KCNH5: variants seen among roughly 807,000 people sequenced by gnomAD.
The protein encoded by KCNH5 is potassium voltage-gated channel subfamily H member 5.
Under a neutral mutation model 96.1 loss-of-function variants are expected in KCNH5, and 46 were observed. That is an observed-to-expected ratio of 0.48 (90% CI 0.38 to 0.61). The LOEUF is 0.61. Ranked by LOEUF, KCNH5 falls within the 20% of genes least tolerant of loss-of-function variation. The probability of loss-of-function intolerance (pLI) is 0.00; values close to 1 mark genes in which losing one functional copy is unlikely to be tolerated. For synonymous variants in KCNH5, 439 were observed against 449.8 expected (o/e 0.98, Z 0.30); for missense variants, 907 against 1,225.8 (o/e 0.74, Z 3.88).
chr14:63,010,454 T>A (rs1014422651), intron 2 of KCNH5, among the ~76,000 whole-genome samples: 1 of 152,132 alleles, frequency 6.6e-6, no homozygotes, highest in Non-Finnish European at 1.5e-5. Flanking sequence ...TGTGTCACTG[T>A]GTCTTAAAGG....
intron 10 of KCNH5, among the ~76,000 whole-genome samples, chr14:62,736,166 TCTC>T (rs747589737): frequency 1.3e-5 from 2 of 152,134 alleles, no homozygotes; most frequent in African/African-American, 2.4e-5. Context: ...ACTGGTCTCT[TCTC>T]CTATTCTACA....
intron 6 of KCNH5, among the ~76,000 whole-genome samples, chr14:62,962,482 G>A (rs879506938): frequency 6.6e-6 from 1 of 152,106 alleles, no homozygotes; most frequent in Non-Finnish European, 1.5e-5. Context: ...GCTTCCTGGG[G>A]ATCAATGGAG....
chr14:62,775,323 G>A (rs1886072902), intron 10 of KCNH5, among the ~76,000 whole-genome samples: 1 of 152,190 alleles, frequency 6.6e-6, no homozygotes, highest in Admixed American at 6.5e-5. Context: ...ATTCCATTTA[G>A]ATCATGAGCT....
intron 10 of KCNH5, among the ~76,000 whole-genome samples, chr14:62,715,212 A>G (rs1767008124): frequency 2.6e-5 from 4 of 152,226 alleles, no homozygotes. Context: ...AAGGCAAGAA[A>G]AAAAAGGTTA....
chr14:63,045,289 C>T lies in KCNH5; in HGVS notation c.-103G>A, dbSNP rs1239280222. ...GGAAAAGGTGGAAGAGAAGATTGAGCCGAAAGAAGAGGGGGCGCGGCGGCG... is the reference window on the plus strand; with the variant it reads ...GGAAAAGGTGGAAGAGAAGATTGAGTCGAAAGAAGAGGGGGCGCGGCGGCG... On this transcript the variant is annotated 5_prime_UTR_variant, in exon 1 of 11. Transcript: ENST00000322893. The T allele has an allele frequency of 5.2e-6, 5 of 961,214 alleles. No homozygotes were observed. Among genetic ancestry groups the T allele is most frequent in the South Asian group, 1.3e-5 (1 of 74,212 alleles). 59.5% of individuals were successfully genotyped at this position (961,214 alleles called of 1,614,324 possible). A position where few individuals can be genotyped will look rare whatever the true frequency, so the allele number is the denominator to read the frequency against.
At chr14:62,970,044 T>TAAAAAAAA (rs373852520) in intron 6 of KCNH5, among the ~76,000 whole-genome samples, 1,793 of 30,306 alleles carry the variant, frequency 0.059, 136 homozygotes, top group Non-Finnish European at 0.096. Flanking sequence ...AGACTCCGTC[T>TAAAAAAAA]AAAAAAAAAA....
intron 7 of KCNH5, among the ~76,000 whole-genome samples, chr14:62,876,165 TA>T (rs1297908153): frequency 6.6e-6 from 1 of 152,096 alleles, no homozygotes. Flanking sequence ...AGACTCTGTC[TA>T]AAAAAACAAA....
chr14:62,795,553 C>T lies in KCNH5; in HGVS notation c.1822+6776G>A, dbSNP rs540764302. Among the ~76,000 whole-genome samples the T allele has an allele frequency of 1.1e-4, 17 of 152,166 alleles. No homozygotes were observed. The South Asian group carries it at 2.5e-3, about 22-fold the overall frequency. ...GCATAGGTTGTATGCAAATACTACACCATTTTACGTAAGGGACTTCAGCAT... is the reference window on the plus strand; with the variant it reads ...GCATAGGTTGTATGCAAATACTACATCATTTTACGTAAGGGACTTCAGCAT... On this transcript the variant is annotated intron_variant, in intron 9 of 10. Coordinates refer to ENST00000322893, the MANE Select transcript of KCNH5 (RefSeq NM_139318.5).
At chr14:62,978,562 G>A (rs1209917377) in intron 6 of KCNH5, among the ~76,000 whole-genome samples, 7 of 149,440 alleles carry the variant, frequency 4.7e-5, no homozygotes, top group Non-Finnish European at 8.9e-5. Context: ...ACTCCTGCTT[G>A]AGCGACAGAG....
intron 2 of KCNH5, among the ~76,000 whole-genome samples, chr14:63,012,268 G>C (rs1458993595): frequency 6.6e-6 from 1 of 152,098 alleles, no homozygotes; most frequent in Non-Finnish European, 1.5e-5. Context: ...GCAAAGGCGT[G>C]GAAAATGCAG....
intron 6 of KCNH5, among the ~76,000 whole-genome samples, chr14:62,952,223 T>C (rs1350943769): frequency 1.3e-5 from 2 of 152,118 alleles, no homozygotes; most frequent in African/African-American, 2.4e-5. Context: ...ATATACAGCC[T>C]AAAAACAAAT....
chr14:62,777,684 C>T (rs1030042073), intron 10 of KCNH5, among the ~76,000 whole-genome samples: 3 of 152,098 alleles, frequency 2.0e-5, no homozygotes, highest in Non-Finnish European at 4.4e-5. Context: ...GGAAGAAAGC[C>T]GCTTGGTGTT....
intron 8 of KCNH5, among the ~76,000 whole-genome samples, chr14:62,843,410 CTTTTTTT>C (rs570775868): frequency 1.8e-5 from 2 of 111,990 alleles, no homozygotes; most frequent in South Asian, 2.8e-4. Context: ...ATTTACATGG[CTTTTTTT>C]TTTTTTTTTT....
chr14:63,018,173 GAGGCTTTATT>G (rs1362388281), intron 1 of KCNH5, among the ~76,000 whole-genome samples: 1 of 151,886 alleles, frequency 6.6e-6, no homozygotes, highest in East Asian at 1.9e-4. Context: ...TTGAAAAAGA[GAGGCTTTATT>G]AGCTGAGATA....
At chr14:62,964,241 T>C (rs1890264762) in intron 6 of KCNH5, among the ~76,000 whole-genome samples, 1 of 152,126 alleles carries the variant, frequency 6.6e-6, no homozygotes, top group African/African-American at 2.4e-5. Context: ...ACCACTGTTA[T>C]TTGTGCTATG....
chr14:62,817,225 A>T (rs1210692684), intron 8 of KCNH5, among the ~76,000 whole-genome samples: 2 of 133,234 alleles, frequency 1.5e-5, no homozygotes, highest in East Asian at 4.2e-4. Context: ...ATTATATATA[A>T]TATAATACAT....
chr14:62,826,637 C>A (rs243159), intron 8 of KCNH5, among the ~76,000 whole-genome samples: 60,090 of 151,484 alleles, frequency 0.4, 12,151 homozygotes, highest in South Asian at 0.59. Flanking sequence ...TAATGTATTT[C>A]TTTTGATATT....
chr14:62,920,716 A>C (rs1303387783), intron 7 of KCNH5, among the ~76,000 whole-genome samples: 1 of 152,208 alleles, frequency 6.6e-6, no homozygotes, highest in African/African-American at 2.4e-5. Flanking sequence ...AAATCATGAA[A>C]TCTGAAAGAC....
chr14:62,991,622 A>G (rs2139579965), intron 4 of KCNH5, among the ~76,000 whole-genome samples: 1 of 152,168 alleles, frequency 6.6e-6, no homozygotes, highest in East Asian at 1.9e-4. Flanking sequence ...GGTACACATT[A>G]AAATCAATGG....
Sources: gnomAD v4.1 joint callset for allele counts (sites outside exome capture counted in the v4.1 genomes callset) on GRCh38, gnomAD v4.1.1 for gene constraint, MANE v1.5 for transcripts, NCBI Gene and HGNC (gene_info 2026-07-23, HGNC 2026-07-21) for gene names.